MEGF11: variants seen among roughly 807,000 people sequenced by gnomAD.
The protein encoded by MEGF11 is multiple EGF like domains 11.
MEGF11 carries 126 observed loss-of-function variants against 146.6 expected under a neutral mutation model. The observed-to-expected ratio is 0.86, with a 90% CI of 0.74 to 1.00. MEGF11 has a LOEUF of 1.00. MEGF11 is among the 50% of genes least tolerant of loss of function. The pLI, the probability that MEGF11 is intolerant of heterozygous loss-of-function variation, is 0.00. For synonymous variants in MEGF11, 532 were observed against 583.4 expected, an observed-to-expected ratio of 0.91 and a Z score of 1.27; for missense variants, 1,509 against 1,521.2, an observed-to-expected ratio of 0.99 and a Z score of 0.13.
chr15:66,228,737 G>A (rs1425604176), intron 1 of MEGF11, among the ~76,000 whole-genome samples: 1 of 152,202 alleles, frequency 6.6e-6, no homozygotes, highest in Admixed American at 6.5e-5. Context: ...TTCTCTCCAT[G>A]CTTCCCTCTG....
chr15:66,165,563 G>A (rs1164810195), intron 1 of MEGF11, among the ~76,000 whole-genome samples: 3 of 151,848 alleles, frequency 2.0e-5, no homozygotes, highest in South Asian at 2.1e-4. Flanking sequence ...CCCAGCTCTC[G>A]CCCCAAGTCT....
chr15:65,922,990 C>A, intron 13 of MEGF11, 21 bp from the exon 14 acceptor site: 1 of 1,609,512 alleles, frequency 6.2e-7, no homozygotes, highest in Non-Finnish European at 8.5e-7. Flanking sequence ...GAGGCAGACT[C>A]GGGTCAGTGG....
At chr15:66,208,955 A>G (rs1434289245) in intron 1 of MEGF11, among the ~76,000 whole-genome samples, 1 of 152,216 alleles carries the variant, frequency 6.6e-6, no homozygotes, top group East Asian at 1.9e-4. Flanking sequence ...ACAATGACCA[A>G]ATGCTGACAA....
intron 5 of MEGF11, among the ~76,000 whole-genome samples, chr15:66,090,102 A>G (rs895552557): frequency 5.3e-5 from 8 of 152,222 alleles, no homozygotes; most frequent in African/African-American, 1.9e-4. Context: ...TCCAGGCCTT[A>G]AAAAATTTCA....
At chr15:65,943,894 C>T (rs2080096859) in intron 10 of MEGF11, among the ~76,000 whole-genome samples, 1 of 152,094 alleles carries the variant, frequency 6.6e-6, no homozygotes, top group East Asian at 1.9e-4. Flanking sequence ...TAGGTGAGGG[C>T]TGTGTAGTGT....
In MEGF11 at chr15:65,949,545, A is replaced by G. The variant is rs373305558; in HGVS notation, c.1287+8002T>C. 4.1e-4 allele frequency among the ~76,000 whole-genome samples: 63 copies of G among 152,270 alleles called. 1 individual carries two copies. In the East Asian group the frequency reaches 0.011, roughly 27 times the overall value. On this transcript the variant is annotated intron_variant, in intron 10 of 25. Coordinates refer to ENST00000395614, the MANE Select transcript of MEGF11 (RefSeq NM_001385028.1). ...ATAGAAATGCTGTCATCCTGGGGAG[A>G]AATATGGGCCCCAAATCCTATGGGA...
chr15:66,205,595 A>G (rs2091279777), intron 1 of MEGF11, among the ~76,000 whole-genome samples: 1 of 152,204 alleles, frequency 6.6e-6, no homozygotes, highest in South Asian at 2.1e-4. Flanking sequence ...GAAGACCAAG[A>G]AAGGAGCTGA....
At chr15:65,974,341 G>T (rs924551181) in intron 7 of MEGF11, among the ~76,000 whole-genome samples, 4 of 152,094 alleles carry the variant, frequency 2.6e-5, no homozygotes, top group Non-Finnish European at 5.9e-5. Context: ...GAGAGAATGC[G>T]TGTGTGTGAG....
intron 1 of MEGF11, among the ~76,000 whole-genome samples, chr15:66,179,121 G>T (rs2090472088): frequency 6.6e-6 from 1 of 152,034 alleles, no homozygotes; most frequent in African/African-American, 2.4e-5. Context: ...CTAGGAGGTT[G>T]GTGACTCTGT....
intron 5 of MEGF11, among the ~76,000 whole-genome samples, chr15:66,043,840 A>G (rs2084089381): frequency 6.6e-6 from 1 of 152,274 alleles, no homozygotes; most frequent in Non-Finnish European, 1.5e-5. Flanking sequence ...AACAGAAGTA[A>G]GCGACCACAT....
At chr15:66,221,312 A>T (rs1030091827) in intron 1 of MEGF11, among the ~76,000 whole-genome samples, 1 of 150,576 alleles carries the variant, frequency 6.6e-6, no homozygotes, top group Admixed American at 6.6e-5. Flanking sequence ...TCCCTCCCAC[A>T]CTCCTGAATC....
chr15:66,125,474 C>T (rs2088290692), intron 2 of MEGF11, among the ~76,000 whole-genome samples: 1 of 152,116 alleles, frequency 6.6e-6, no homozygotes, highest in South Asian at 2.1e-4. Flanking sequence ...AACGCGGAGG[C>T]AGTAGGAGGG....
chr15:66,171,894 T>C (rs1251728648), intron 1 of MEGF11, among the ~76,000 whole-genome samples: 7 of 152,128 alleles, frequency 4.6e-5, no homozygotes, highest in African/African-American at 1.7e-4. Context: ...TAAGGATTGA[T>C]TTAAGGAATG....
chr15:66,250,517 C>A (rs1597176665), intron 1 of MEGF11, among the ~76,000 whole-genome samples: 1 of 152,184 alleles, frequency 6.6e-6, no homozygotes, highest in South Asian at 2.1e-4. Context: ...TAGTCCAGTG[C>A]CTGGCACAAA....
chr15:65,948,986 C>T (rs997447846), intron 10 of MEGF11, among the ~76,000 whole-genome samples: 1 of 152,140 alleles, frequency 6.6e-6, no homozygotes, highest in Non-Finnish European at 1.5e-5. Context: ...GGAAATGAGT[C>T]AATAGTGGGA....
chr15:66,116,003 C>T (rs2087709440), intron 4 of MEGF11, among the ~76,000 whole-genome samples: 1 of 152,196 alleles, frequency 6.6e-6, no homozygotes, highest in Non-Finnish European at 1.5e-5. Flanking sequence ...AATAGCCACC[C>T]TAGACAATTG....
intron 10 of MEGF11, among the ~76,000 whole-genome samples, chr15:65,931,981 C>T (rs1320302606): frequency 1.3e-5 from 2 of 152,190 alleles, no homozygotes; most frequent in Non-Finnish European, 2.9e-5. Context: ...AGGCTGGCTG[C>T]TTAACCATTA....
intron 15 of MEGF11, among the ~76,000 whole-genome samples, chr15:65,919,532 T>G (rs944179780): frequency 6.6e-6 from 1 of 151,274 alleles, no homozygotes; most frequent in African/African-American, 2.4e-5. Flanking sequence ...AAAAAACACT[T>G]TATTGCAAAA....
chr15:66,056,889 G>A (rs1398781604), intron 5 of MEGF11, among the ~76,000 whole-genome samples: 1 of 152,172 alleles, frequency 6.6e-6, no homozygotes, highest in East Asian at 1.9e-4. Flanking sequence ...AGCAGCTTTC[G>A]CCAAGCTGCA....
Sources: allele counts gnomAD v4.1 joint callset (sites outside exome capture counted in the v4.1 genomes callset), GRCh38; gene constraint gnomAD v4.1.1; transcripts MANE v1.5; gene names NCBI Gene and HGNC (gene_info 2026-07-23, HGNC 2026-07-21).